The following CDKN2B-AS1 variants were observed in gnomAD, a reference collection of about 807,000 sequenced individuals.
CDKN2B-AS1 encodes CDKN2B and CDKN2A antisense cis and trans regulatory RNA 1.
At chr9:22,014,353 C>G (rs1175400266) in intron 1 of CDKN2B-AS1, among the ~76,000 whole-genome samples, 1 of 151,954 alleles carries the variant, frequency 6.6e-6, no homozygotes. Context: ...AGATGAGGGT[C>G]TTGCTTTTTT....
intron 1 of CDKN2B-AS1, chr9:22,003,879 C>T (rs1821042254): frequency 4.3e-6 from 1 of 231,550 alleles, no homozygotes; most frequent in Middle Eastern, 1.3e-3. Context: ...TGTATTTCTG[C>T]TTTTTTTTAA....
At chr9:22,071,591 G>C (rs1489165685) in intron 4 of CDKN2B-AS1, among the ~76,000 whole-genome samples, 1 of 151,720 alleles carries the variant, frequency 6.6e-6, no homozygotes, top group Non-Finnish European at 1.5e-5. Context: ...TGTGACCCTG[G>C]GTATTTCTTT....
chr9:22,016,684 A>G (rs1821778608), intron 1 of CDKN2B-AS1, among the ~76,000 whole-genome samples: 1 of 152,184 alleles, frequency 6.6e-6, no homozygotes, highest in Non-Finnish European at 1.5e-5. Flanking sequence ...CCTGAGAAAA[A>G]CAAGCAATGG....
intron 4 of CDKN2B-AS1, among the ~76,000 whole-genome samples, chr9:22,095,146 T>C (rs1825229422): frequency 6.9e-6 from 1 of 144,574 alleles, no homozygotes; most frequent in African/African-American, 2.9e-5. Flanking sequence ...GAACAGCAAA[T>C]GTTCCTGCCT....
intron 4 of CDKN2B-AS1, among the ~76,000 whole-genome samples, chr9:22,072,467 G>C (rs1381386978): frequency 6.6e-6 from 1 of 152,166 alleles, no homozygotes; most frequent in Non-Finnish European, 1.5e-5. Flanking sequence ...CTAGAGCCAG[G>C]TTCCATTTCA....
intron 1 of CDKN2B-AS1, chr9:22,008,943 T>A (rs775410324): frequency 6.2e-7 from 1 of 1,613,032 alleles, no homozygotes; most frequent in Non-Finnish European, 8.5e-7. Flanking sequence ...GCCCTTGTTC[T>A]CCTCGCGCAT....
chr9:22,063,675 G>T (rs1266232106), intron 4 of CDKN2B-AS1, among the ~76,000 whole-genome samples: 1 of 152,172 alleles, frequency 6.6e-6, no homozygotes, highest in East Asian at 1.9e-4. Flanking sequence ...TGAGTGACCA[G>T]TTTAGATGAC....
chr9:22,012,183 G>T (rs1278778722), intron 1 of CDKN2B-AS1: 19 of 1,386,136 alleles, frequency 1.4e-5, no homozygotes, highest in Middle Eastern at 2.1e-4. Flanking sequence ...ACCCTCACGG[G>T]CAAGACCATC....
chr9:22,071,294 T>TAGC (rs1290344008), intron 4 of CDKN2B-AS1, among the ~76,000 whole-genome samples: 1 of 22,580 alleles, frequency 4.4e-5, no homozygotes, highest in African/African-American at 1.2e-4. Flanking sequence ...GCTTTTTTTT[T>TAGC]TTTTTTTTTT....
intron 4 of CDKN2B-AS1, among the ~76,000 whole-genome samples, chr9:22,076,817 C>T (rs1358651215): frequency 2.0e-5 from 3 of 152,158 alleles, no homozygotes; most frequent in Admixed American, 1.3e-4. Context: ...CTGAGCCTTG[C>T]GAGTAGCTGG....
intron 3 of CDKN2B-AS1, among the ~76,000 whole-genome samples, chr9:22,050,502 C>G (rs1823299455): frequency 6.6e-6 from 1 of 152,210 alleles, no homozygotes; most frequent in South Asian, 2.1e-4. Context: ...CAGTTAAAAT[C>G]CCGTTGGGCA....
chr9:22,127,737 A>G (rs565779766), exon 5 of CDKN2B-AS1, among the ~76,000 whole-genome samples: 20 of 152,320 alleles, frequency 1.3e-4, no homozygotes, highest in African/African-American at 4.8e-4. Flanking sequence ...TAGAAGGGAA[A>G]GATTGTGGAT....
At chr9:22,056,103 G>A (rs1823554960) in intron 3 of CDKN2B-AS1, 1 of 147,520 alleles carries the variant, frequency 6.8e-6, no homozygotes, top group Non-Finnish European at 1.5e-5. Flanking sequence ...GGAGTGCAGT[G>A]GTGCAATCTC....
chr9:22,012,025 C>G, intron 1 of CDKN2B-AS1: 1 of 535,282 alleles, frequency 1.9e-6, no homozygotes, highest in Non-Finnish European at 3.4e-6. Context: ...GCACATAACT[C>G]AGATCACTAG....
At chr9:22,118,848 G>C (rs1011754889) in intron 4 of CDKN2B-AS1, 1 of 152,106 alleles carries the variant, frequency 6.6e-6, no homozygotes, top group South Asian at 2.1e-4. Flanking sequence ...TAATCCTTTT[G>C]TCCATTTTCA....
chr9:22,068,392 C>G (rs1587486422), intron 4 of CDKN2B-AS1, among the ~76,000 whole-genome samples: 1 of 152,158 alleles, frequency 6.6e-6, no homozygotes, highest in Admixed American at 6.6e-5. Context: ...TGGGAAATAT[C>G]ACTGGGGAAT....
intron 1 of CDKN2B-AS1, among the ~76,000 whole-genome samples, chr9:22,036,065 C>T (rs1221066838): frequency 1.3e-5 from 2 of 152,052 alleles, no homozygotes; most frequent in Non-Finnish European, 2.9e-5. Flanking sequence ...CGTTTTTCAC[C>T]TTTCTTTTTC....
rs75100759 is a variant in CDKN2B-AS1, at chr9:22,050,994, T to G, written n.302+1766T>G. 9.6e-3 allele frequency among the ~76,000 whole-genome samples: 1,468 copies of G among 152,284 alleles called. 24 individuals carry two copies. The highest frequency in any genetic ancestry group is 0.033 in the African/African-American group (1,377 of 41,570). On this transcript the variant is annotated intron_variant and non_coding_transcript_variant, in intron 3 of 4. Coordinates refer to ENST00000650946, the Ensembl canonical transcript of CDKN2B-AS1. ...GGTTCCATGGTGTTTGAAATCAGAA[T>G]GTAATATTGAGTTAATGACACAAGG...
At chr9:22,071,153 T>G (rs942518758) in intron 4 of CDKN2B-AS1, among the ~76,000 whole-genome samples, 3 of 151,030 alleles carry the variant, frequency 2.0e-5, no homozygotes, top group African/African-American at 7.3e-5. Flanking sequence ...GAGATACATC[T>G]GGCCTCTTCA....
Sources: gnomAD v4.1 joint callset for allele counts (sites outside exome capture counted in the v4.1 genomes callset) on GRCh38, gnomAD v4.1.1 for gene constraint, MANE v1.5 for transcripts, NCBI Gene and HGNC (gene_info 2026-07-23, HGNC 2026-07-21) for gene names.